PTCHD4: variants seen among roughly 807,000 people sequenced by gnomAD.
The protein encoded by PTCHD4 is patched domain containing 4, also known as patched domain-containing protein 4.
In PTCHD4, 33 loss-of-function variants were observed where a neutral mutation model predicts 58.1. The observed-to-expected ratio is 0.57, with a 90% CI of 0.43 to 0.76. The LOEUF is 0.76. Ranked by LOEUF, PTCHD4 falls within the 30% of genes least tolerant of loss-of-function variation. The pLI is 0.00. For synonymous variants in PTCHD4, 478 were observed against 409.6 expected, an observed-to-expected ratio of 1.17 and a Z score of -2.02; for missense variants, 1,058 against 1,027.1, an observed-to-expected ratio of 1.03 and a Z score of -0.41.
intron 4 of PTCHD4, among the ~76,000 whole-genome samples, chr6:47,968,033 G>A (rs1218068318): frequency 6.6e-6 from 1 of 152,156 alleles, no homozygotes; most frequent in Non-Finnish European, 1.5e-5. Flanking sequence ...GGCGCAAGAT[G>A]ACTAGCTTTT....
intron 3 of PTCHD4, among the ~76,000 whole-genome samples, chr6:48,058,905 G>A (rs1764513334): frequency 6.6e-6 from 1 of 152,172 alleles, no homozygotes; most frequent in Non-Finnish European, 1.5e-5. Context: ...AGGAATTAAT[G>A]AGGACTACCA....
Position 47,878,395 on chromosome 6 carries a change from G to A in PTCHD4, c.2440C>T (p.His814Tyr), listed in dbSNP as rs1490274403. The A allele has an allele frequency of 6.2e-7, 1 of 1,613,066 alleles. No homozygotes were observed. Among genetic ancestry groups the A allele is most frequent in the Non-Finnish European group, 8.5e-7 (1 of 1,179,580 alleles). Reference sequence around the variant, plus strand: ...CGCTTGGCACGTTTCTTTTTCTTGTGGTGCTTTTTGGAAGGGGGGAAAAAC... The same window carrying A: ...CGCTTGGCACGTTTCTTTTTCTTGTAGTGCTTTTTGGAAGGGGGGAAAAAC... ...LTFFPPSKKH[H>Y]KKKKRAKRKE... The change falls in exon 5 of 5, where the codon CAC becomes TAC. Residue 814 changes from histidine (H) to tyrosine (Y), a missense_variant. Coordinates refer to ENST00000339488, the MANE Select transcript of PTCHD4 (RefSeq NM_001384253.1).
At chr6:48,088,455 T>C (rs1765302957) in intron 1 of PTCHD4, among the ~76,000 whole-genome samples, 4 of 152,114 alleles carry the variant, frequency 2.6e-5, no homozygotes, top group African/African-American at 7.2e-5. Flanking sequence ...ACTGATAGTG[T>C]TAAAGACGAC....
chr6:48,106,556 C>T (rs1765728778), intron 1 of PTCHD4, among the ~76,000 whole-genome samples: 1 of 152,150 alleles, frequency 6.6e-6, no homozygotes, highest in Non-Finnish European at 1.5e-5. Flanking sequence ...CAGGGATGCC[C>T]TCTCTCACCA....
At chr6:47,901,428 C>T in intron 4 of PTCHD4, 1 of 978,598 alleles carries the variant, frequency 1.0e-6, no homozygotes, top group South Asian at 4.7e-5. Flanking sequence ...GTTCCTCCCT[C>T]TCACATATTG....
intron 3 of PTCHD4, among the ~76,000 whole-genome samples, chr6:48,048,591 G>C (rs1352646425): frequency 6.6e-6 from 1 of 151,812 alleles, no homozygotes; most frequent in Non-Finnish European, 1.5e-5. Context: ...TGATTTAGTA[G>C]GCCTTTTCCC....
intron 4 of PTCHD4, among the ~76,000 whole-genome samples, chr6:47,961,357 T>G (rs897302872): frequency 6.6e-6 from 1 of 151,976 alleles, no homozygotes; most frequent in African/African-American, 2.4e-5. Context: ...AGTGGCGTGA[T>G]CTCGGCTTAC....
intron 3 of PTCHD4, among the ~76,000 whole-genome samples, chr6:48,028,501 A>C (rs1455812609): frequency 1.3e-5 from 2 of 152,272 alleles, no homozygotes; most frequent in Admixed American, 6.5e-5. Context: ...TTTATGTTTA[A>C]AGAAAGAAAA....
intron 4 of PTCHD4, among the ~76,000 whole-genome samples, chr6:47,964,412 G>A (rs1024793163): frequency 2.6e-5 from 4 of 151,962 alleles, no homozygotes; most frequent in Admixed American, 6.6e-5. Context: ...TCACATATAA[G>A]CCTCCACAGT....
intron 1 of PTCHD4, among the ~76,000 whole-genome samples, chr6:48,071,876 A>C (rs1173562565): frequency 6.6e-6 from 1 of 152,186 alleles, no homozygotes; most frequent in African/African-American, 2.4e-5. Context: ...ATTTGGTGGA[A>C]TATTCCTCAA....
intron 4 of PTCHD4, among the ~76,000 whole-genome samples, chr6:47,961,349 T>G (rs1767086947): frequency 6.6e-6 from 1 of 151,938 alleles, no homozygotes; most frequent in Admixed American, 6.6e-5. Context: ...CTGGAGTCAG[T>G]GGCGTGATCT....
At chr6:48,054,052 T>C (rs952859017) in intron 3 of PTCHD4, among the ~76,000 whole-genome samples, 11 of 152,138 alleles carry the variant, frequency 7.2e-5, no homozygotes, top group Admixed American at 2.0e-4. Context: ...TATTTCTCAA[T>C]TTCGCTATCC....
At chr6:48,011,300 G>A (rs1433240452) in intron 3 of PTCHD4, among the ~76,000 whole-genome samples, 1 of 152,138 alleles carries the variant, frequency 6.6e-6, no homozygotes, top group Admixed American at 6.5e-5. Flanking sequence ...ATCTCATTGT[G>A]GTTTGGATTT....
At chr6:48,093,527 T>G (rs796174985) in intron 1 of PTCHD4, among the ~76,000 whole-genome samples, 4 of 152,234 alleles carry the variant, frequency 2.6e-5, no homozygotes, top group African/African-American at 9.6e-5. Flanking sequence ...GGTGATAATT[T>G]AAAATAGATC....
intron 1 of PTCHD4, among the ~76,000 whole-genome samples, chr6:48,073,621 G>GA (rs1434334653): frequency 6.6e-6 from 1 of 152,280 alleles, no homozygotes; most frequent in East Asian, 1.9e-4. Context: ...GGTCATCCAG[G>GA]AAAGGAATCA....
Position 47,914,752 on chromosome 6 carries a change from C to T in PTCHD4, c.899-34816G>A, listed in dbSNP as rs1163002760. ...TATCTATTATCTATCTATTATCTAT[C>T]TATCTATCTATCTATCTATCTATCT... On this transcript the variant is annotated intron_variant, in intron 4 of 4. Transcript: ENST00000339488. Among the ~76,000 whole-genome samples, 5 of 143,096 alleles carry T rather than the reference C, an allele frequency of 3.5e-5. No individual in the cohort carries two copies. The East Asian group carries it at 1.0e-3, about 29-fold the overall frequency. 93.9% of individuals were successfully genotyped at this position (143,096 alleles called of 152,430 possible). A position where few individuals can be genotyped will look rare whatever the true frequency, so the allele number is the denominator to read the frequency against.
intron 4 of PTCHD4, among the ~76,000 whole-genome samples, chr6:47,890,013 TA>T (rs1254387951): frequency 6.6e-6 from 1 of 151,926 alleles, no homozygotes; most frequent in Non-Finnish European, 1.5e-5. Context: ...ATAAAAAACT[TA>T]AAGATCCAGT....
chr6:48,110,854 G>C (rs1484368563), intron 1 of PTCHD4, among the ~76,000 whole-genome samples, 195 bp downstream of exon 1: 2 of 148,302 alleles, frequency 1.3e-5, no homozygotes, highest in Non-Finnish European at 3.0e-5. Context: ...TCTGGTACTT[G>C]TCTTTTTACT....
chr6:48,022,667 T>C (rs1763108125), intron 3 of PTCHD4, among the ~76,000 whole-genome samples: 1 of 152,144 alleles, frequency 6.6e-6, no homozygotes, highest in Admixed American at 6.6e-5. Flanking sequence ...TGATGTGATG[T>C]ATTTTAGTCA....
Sources: allele counts gnomAD v4.1 joint callset (sites outside exome capture counted in the v4.1 genomes callset), GRCh38; gene constraint gnomAD v4.1.1; transcripts MANE v1.5; gene names NCBI Gene and HGNC (gene_info 2026-07-23, HGNC 2026-07-21).